The following LINC01488 variants were observed in gnomAD, a reference collection of about 807,000 sequenced individuals.
LINC01488 encodes long independently transcribed non-coding RNA 1488.
At chr11:69,483,391 G>T (rs950176873) in intron 1 of LINC01488, among the ~76,000 whole-genome samples, 2 of 152,128 alleles carry the variant, frequency 1.3e-5, no homozygotes, top group Middle Eastern at 3.2e-3. Context: ...TGGACTTCAG[G>T]TTCCTTCTCT....
In LINC01488 at chr11:69,487,599, C is replaced by T. The variant is rs893477070; in HGVS notation, n.123-2896C>T. Among the ~76,000 whole-genome samples, 10 of 152,168 alleles carry T rather than the reference C, an allele frequency of 6.6e-5. No homozygotes were observed. The East Asian group carries it at 1.4e-3, about 21-fold the overall frequency. On this transcript the variant is annotated intron_variant and non_coding_transcript_variant, in intron 1 of 3. Coordinates refer to ENST00000644563, the Ensembl canonical transcript of LINC01488. Reference sequence around the variant, plus strand: ...GGGTCCTGTTCCCCGTCGGTCATGGCGCTGGGCCTCCCTGTGGCTGATTTC... The same window carrying T: ...GGGTCCTGTTCCCCGTCGGTCATGGTGCTGGGCCTCCCTGTGGCTGATTTC...
chr11:69,484,970 C>T (rs1266918699), intron 1 of LINC01488, among the ~76,000 whole-genome samples: 1 of 152,236 alleles, frequency 6.6e-6, no homozygotes, highest in African/African-American at 2.4e-5. Context: ...TCTGCTACTG[C>T]TGACCAGTAG....
At chr11:69,483,012 G>A (rs1447827815) in intron 1 of LINC01488, among the ~76,000 whole-genome samples, 2 of 152,184 alleles carry the variant, frequency 1.3e-5, no homozygotes, top group Non-Finnish European at 2.9e-5. Context: ...ACATTCCGGG[G>A]TCCTGGGAGT....
At chr11:69,487,556 G>A (rs972402369) in intron 1 of LINC01488, among the ~76,000 whole-genome samples, 3 of 152,200 alleles carry the variant, frequency 2.0e-5, no homozygotes, top group African/African-American at 7.2e-5. Flanking sequence ...ACGTGTGCTG[G>A]CCCTGGTGGT....
chr11:69,487,391 C>G (rs985733192), intron 1 of LINC01488, among the ~76,000 whole-genome samples: 1 of 152,202 alleles, frequency 6.6e-6, no homozygotes, highest in Non-Finnish European at 1.5e-5. Context: ...GAAATCCTGT[C>G]TGCCATGACG....
At chr11:69,488,908 C>T (rs115672773) in intron 1 of LINC01488, among the ~76,000 whole-genome samples, 72 of 152,354 alleles carry the variant, frequency 4.7e-4, no homozygotes, top group African/African-American at 1.7e-3. Flanking sequence ...ACGCGTCTCT[C>T]CTTCCTGAGC....
chr11:69,489,497 C>G (rs899221603), intron 1 of LINC01488, among the ~76,000 whole-genome samples: 1 of 152,256 alleles, frequency 6.6e-6, no homozygotes, highest in African/African-American at 2.4e-5. Flanking sequence ...ACTAAAATAG[C>G]CAGCAGCAGC....
At chr11:69,492,712 T>C (rs1201646891) in exon 4 of LINC01488, 2 of 152,224 alleles carry the variant, frequency 1.3e-5, no homozygotes, top group African/African-American at 4.8e-5. Context: ...GTGTGCTGTT[T>C]TAAGCCACTG....
chr11:69,483,303 T>C (rs935237628), intron 1 of LINC01488, among the ~76,000 whole-genome samples: 1 of 152,188 alleles, frequency 6.6e-6, no homozygotes, highest in Non-Finnish European at 1.5e-5. Context: ...CTCTGGAGCC[T>C]ACAGGTGGAG....
chr11:69,486,691 C>G (rs1857126375), intron 1 of LINC01488, among the ~76,000 whole-genome samples: 1 of 152,190 alleles, frequency 6.6e-6, no homozygotes, highest in Non-Finnish European at 1.5e-5. Flanking sequence ...GGAGGAGCCT[C>G]TCCCAGTCCC....
intron 2 of LINC01488, chr11:69,490,987 C>G (rs1254891945): frequency 6.6e-6 from 1 of 152,206 alleles, no homozygotes; most frequent in Non-Finnish European, 1.5e-5. Context: ...CATTATGCAG[C>G]CAGCCAGCCA....
At chr11:69,486,992 G>T (rs1270073231) in intron 1 of LINC01488, among the ~76,000 whole-genome samples, 1 of 152,212 alleles carries the variant, frequency 6.6e-6, no homozygotes, top group African/African-American at 2.4e-5. Context: ...AGCCGTGCTG[G>T]GGGGTCCTGG....
At chr11:69,483,855 T>G (rs1442694281) in intron 1 of LINC01488, among the ~76,000 whole-genome samples, 2 of 152,048 alleles carry the variant, frequency 1.3e-5, no homozygotes, top group African/African-American at 4.8e-5. Context: ...TGAAGACAGC[T>G]GCCGAGGCGG....
At chr11:69,484,266 C>T (rs571295943) in intron 1 of LINC01488, among the ~76,000 whole-genome samples, 9 of 152,158 alleles carry the variant, frequency 5.9e-5, no homozygotes, top group African/African-American at 1.7e-4. Context: ...GGAGAGTCAG[C>T]GCTGCCCGGT....
chr11:69,491,095 C>T (rs1023671524), exon 3 of LINC01488: 1 of 152,224 alleles, frequency 6.6e-6, no homozygotes, highest in Non-Finnish European at 1.5e-5. Context: ...CTCCAAGAGC[C>T]CCCAGTTTGG....
At chr11:69,483,046 G>A (rs556797178) in intron 1 of LINC01488, among the ~76,000 whole-genome samples, 37 of 152,184 alleles carry the variant, frequency 2.4e-4, no homozygotes, top group African/African-American at 6.8e-4. Flanking sequence ...TACGAATTGT[G>A]GGGGGATGTG....
chr11:69,490,952 C>T (rs1235956295), intron 2 of LINC01488: 1 of 152,214 alleles, frequency 6.6e-6, no homozygotes, highest in African/African-American at 2.4e-5. Context: ...AAGACCTCCC[C>T]CTGGAATTCA....
intron 1 of LINC01488, among the ~76,000 whole-genome samples, chr11:69,484,693 A>C (rs188384297): frequency 6.6e-6 from 1 of 152,194 alleles, no homozygotes; most frequent in Non-Finnish European, 1.5e-5. Context: ...GCGCTGGCCC[A>C]CGCAGCTGCT....
chr11:69,489,071 G>C (rs765127205), intron 1 of LINC01488, among the ~76,000 whole-genome samples: 2 of 152,182 alleles, frequency 1.3e-5, no homozygotes, highest in Non-Finnish European at 2.9e-5. Context: ...CTATGCCTTG[G>C]TCTAAGAAGC....
Sources: gnomAD v4.1 joint callset for allele counts (sites outside exome capture counted in the v4.1 genomes callset) on GRCh38, gnomAD v4.1.1 for gene constraint, MANE v1.5 for transcripts, NCBI Gene and HGNC (gene_info 2026-07-23, HGNC 2026-07-21) for gene names.